MTX3: variants seen among roughly 807,000 people sequenced by gnomAD.
MTX3 encodes the protein metaxin-3.
In MTX3, 27 loss-of-function variants were observed where a neutral mutation model predicts 42.5. The ratio of observed to expected loss-of-function variants is 0.64; its 90% CI spans 0.47 to 0.88. MTX3 has a LOEUF of 0.88. MTX3 is among the 40% of genes least tolerant of loss of function. The pLI, the probability that MTX3 is intolerant of heterozygous loss-of-function variation, is 0.00. For synonymous variants in MTX3, 144 were observed against 132.9 expected (o/e 1.08, Z -0.57); for missense variants, 378 against 367.0 (o/e 1.03, Z -0.25).
chr5:79,988,518 T>C lies in MTX3; in HGVS notation c.448A>G (p.Ile150Val). 6.2e-7 allele frequency: 1 copy of C among 1,613,128 alleles called. No individual in the cohort carries two copies. Among genetic ancestry groups the C allele is most frequent in the Non-Finnish European group, 8.5e-7 (1 of 1,179,684 alleles). ...GRMSKGALNR[I>V]LLTRGQPPLY... Reference sequence around the variant, plus strand: ...GGAGGCTGTCCTCTGGTCAGGAGAATCCTATTCAGTGCTCCCTTAGACATT... The same window carrying C: ...GGAGGCTGTCCTCTGGTCAGGAGAACCCTATTCAGTGCTCCCTTAGACATT... The change falls in exon 5 of 9, where the codon ATT becomes GTT. Residue 150 changes from isoleucine to valine, a missense_variant. By Grantham distance (29) the Ile-to-Val change is conservative. Transcript: ENST00000512528.
intron 6 of MTX3, among the ~76,000 whole-genome samples, chr5:79,987,918 C>T (rs1476805558): frequency 8.5e-5 from 13 of 152,236 alleles, no homozygotes; most frequent in Admixed American, 5.9e-4. Context: ...CAGGTTCAAG[C>T]GATTCTCCTG....
chr5:79,991,074 C>G, intron 1 of MTX3, 84 bp downstream of exon 1: 1 of 1,353,504 alleles, frequency 7.4e-7, no homozygotes, highest in Non-Finnish European at 1.0e-6. Flanking sequence ...GACCCCGCAG[C>G]GCAGCGGGAA....
intron 8 of MTX3, 143 bp downstream of exon 8, chr5:79,985,428 G>A: frequency 1.6e-6 from 1 of 642,336 alleles, no homozygotes; most frequent in Non-Finnish European, 2.7e-6. Flanking sequence ...CAACTTTAGT[G>A]AAAGTATATT....
In MTX3 at chr5:79,986,949, C is replaced by G. The variant is rs1831506060; in HGVS notation, c.739+1G>C. On this transcript the variant is annotated splice_donor_variant, in intron 7 of 8. Transcript: ENST00000512528. LOFTEE classifies it high-confidence loss of function. ...CATTAGCTGAAAAAGAGCCAGCTTA[C>G]CTCCAAGACTAAGCCTAAAATAACT... 1 of 1,612,780 alleles carries G rather than the reference C, an allele frequency of 6.2e-7. No individual in the cohort carries two copies. The highest frequency in any genetic ancestry group is 1.3e-5 in the African/African-American group (1 of 74,828).
chr5:79,985,068 G>A (rs1831459351), intron 8 of MTX3, among the ~76,000 whole-genome samples: 4 of 152,110 alleles, frequency 2.6e-5, no homozygotes, highest in South Asian at 2.1e-4. Flanking sequence ...TGCAAGCTCC[G>A]CCTCCCGGGT....
chr5:79,987,128 T>A, intron 6 of MTX3, 21 bp from the exon 7 acceptor site: 6 of 1,611,622 alleles, frequency 3.7e-6, no homozygotes, highest in Non-Finnish European at 5.1e-6. Context: ...ATTAAGGATT[T>A]TTAAAGCACA....
At chr5:79,984,816 T>G (rs1831451860) in intron 8 of MTX3, among the ~76,000 whole-genome samples, 1 of 151,954 alleles carries the variant, frequency 6.6e-6, no homozygotes, top group Non-Finnish European at 1.5e-5. Context: ...ATAAACTATA[T>G]CTAGAGCAGA....
At chr5:79,988,124 GTTTTTT>G in intron 6 of MTX3, 109 bp downstream of exon 6, 1 of 692,354 alleles carries the variant, frequency 1.4e-6, no homozygotes, top group Middle Eastern at 2.9e-4. Flanking sequence ...CCTAAATCTT[GTTTTTT>G]TTAAGTAAAA....
At position 79,980,079 on chromosome 5, in the gene MTX3, T is replaced by C. The variant is rs1831338303; in HGVS notation, c.*3605A>G. 1 of 152,148 alleles carries C rather than the reference T, an allele frequency of 6.6e-6. No homozygotes were observed. Among genetic ancestry groups the C allele is most frequent in the Admixed American group, 6.5e-5 (1 of 15,274 alleles). The allele number at this position is 152,148 out of a possible 1,614,324, so 9.4% of individuals were successfully genotyped here. A position where few individuals can be genotyped will look rare whatever the true frequency, so the allele number is the denominator to read the frequency against. ...TCCTTTCTTTACATGTAAGCATTTA[T>C]ATCTAGGTTTTAAAAGGGTTGAAGT... On this transcript the variant is annotated 3_prime_UTR_variant, in exon 9 of 9. Transcript: ENST00000512528.
chr5:79,982,435 C>T lies in MTX3; in HGVS notation c.*1249G>A. Reference sequence around the variant, plus strand: ...GCACGACTTGATAAGATTTGCTGAGCACCACAGTAATCTTTTAAGACACTA... The same window carrying T: ...GCACGACTTGATAAGATTTGCTGAGTACCACAGTAATCTTTTAAGACACTA... On this transcript the variant is annotated 3_prime_UTR_variant, in exon 9 of 9. Transcript: ENST00000512528. The T allele has an allele frequency of 2.2e-6, 1 of 456,518 alleles. No homozygotes were observed. The highest frequency in any genetic ancestry group is 1.5e-5 in the South Asian group (1 of 64,532). 28.3% of individuals were successfully genotyped at this position (456,518 alleles called of 1,614,324 possible). A position where few individuals can be genotyped will look rare whatever the true frequency, so the allele number is the denominator to read the frequency against.
Position 79,979,157 on chromosome 5 carries a change from C to T in MTX3, c.*4527G>A, listed in dbSNP as rs1831319429. 1 of 152,418 alleles carries T rather than the reference C, an allele frequency of 6.6e-6. No individual in the cohort carries two copies. The highest frequency in any genetic ancestry group is 2.1e-4 in the South Asian group (1 of 4,812). The allele number at this position is 152,418 out of a possible 1,614,324, so 9.4% of individuals were successfully genotyped here. A position where few individuals can be genotyped will look rare whatever the true frequency, so the allele number is the denominator to read the frequency against. On this transcript the variant is annotated 3_prime_UTR_variant, in exon 9 of 9. Coordinates refer to ENST00000512528, the MANE Select transcript of MTX3 (RefSeq NM_001363818.2). ...CCTGGGCTCCTAGCAAACACTACAC[C>T]CCAACAAGAGTTTGGGAGCCAAATT... is the stretch of plus-strand genomic sequence containing the variant.
chr5:79,987,210 G>A (rs1036885407), intron 6 of MTX3, 103 bp from the exon 7 acceptor site: 16 of 982,596 alleles, frequency 1.6e-5, no homozygotes, highest in Admixed American at 7.0e-5. Context: ...GAGATCAAGC[G>A]GGGGCAGATC....
In MTX3 at chr5:79,983,760, G is replaced by C. The variant is rs775043829; in HGVS notation, c.863C>G (p.Pro288Arg). ...TTTAAGTGTTGGCAGTTTCCGAGGA[G>C]GAAGCTGAGGGCTTTGGCGAAGATT... ...DDNLRQSPQL[P>R]PRKLPTLKLT... Residue 288 changes from proline (P) to arginine (R), a missense_variant, in exon 9 of 9, where the codon CCT (proline) becomes CGT (arginine). Transcript: ENST00000512528. 6.2e-6 allele frequency: 10 copies of C among 1,613,792 alleles called. No homozygotes were observed. Among genetic ancestry groups the C allele is most frequent in the Non-Finnish European group, 7.6e-6 (9 of 1,179,748 alleles).
intron 8 of MTX3, among the ~76,000 whole-genome samples, chr5:79,984,206 C>A (rs1202891522): frequency 6.6e-6 from 1 of 152,134 alleles, no homozygotes; most frequent in Non-Finnish European, 1.5e-5. Context: ...CAGACACAGA[C>A]CTTCTCTGTT....
chr5:79,986,958 C>T lies in MTX3; in HGVS notation c.731G>A (p.Ser244Asn), dbSNP rs775556610. The T allele has an allele frequency of 1.5e-5, 24 of 1,613,542 alleles. 1 individual carries two copies. The South Asian group carries it at 2.2e-4, about 15-fold the overall frequency. The part of the protein sequence containing the change: ...DDILSSYFRL[S>N]LGGISPAGQE... Reference sequence around the variant, plus strand: ...AAAAAGAGCCAGCTTACCTCCAAGACTAAGCCTAAAATAACTGCTCAGGAT... The same window carrying T: ...AAAAAGAGCCAGCTTACCTCCAAGATTAAGCCTAAAATAACTGCTCAGGAT... Residue 244 changes from serine (S) to asparagine (N), a missense_variant, in exon 7 of 9, where the codon AGT (serine) becomes AAT (asparagine). Coordinates refer to ENST00000512528, the MANE Select transcript of MTX3 (RefSeq NM_001363818.2).
rs1580886791 is a variant in MTX3, at chr5:79,986,941, C to A, written c.739+9G>T. ...CAAACAAACATTAGCTGAAAAAGAG[C>A]CAGCTTACCTCCAAGACTAAGCCTA... On this transcript the variant is annotated intron_variant, in intron 7 of 8. Transcript: ENST00000512528. The A allele has an allele frequency of 1.2e-6, 2 of 1,609,094 alleles. No homozygotes were observed. Among genetic ancestry groups the A allele is most frequent in the Non-Finnish European group, 1.7e-6 (2 of 1,177,834 alleles).
At chr5:79,990,740 C>A in intron 1 of MTX3, 77 bp from the exon 2 acceptor site, 1 of 1,052,972 alleles carries the variant, frequency 9.5e-7, no homozygotes, top group Non-Finnish European at 1.5e-6. Context: ...ACTTCACAGC[C>A]CCATCCCCCA....
At chr5:79,989,042 C>T (rs1831564108) in intron 4 of MTX3, 110 bp downstream of exon 4, 1 of 686,324 alleles carries the variant, frequency 1.5e-6, no homozygotes, top group African/African-American at 1.8e-5. Flanking sequence ...TTAAGATTAA[C>T]ATATAAGTAA....
chr5:79,983,388 C>T lies in MTX3; in HGVS notation c.*296G>A, dbSNP rs1288596965. 2 of 343,408 alleles carry T rather than the reference C, an allele frequency of 5.8e-6. No homozygotes were observed. Among genetic ancestry groups the T allele is most frequent in the Non-Finnish European group, 1.1e-5 (2 of 187,006 alleles). The allele number at this position is 343,408 out of a possible 1,614,324, so 21.3% of individuals were successfully genotyped here. On this transcript the variant is annotated 3_prime_UTR_variant, in exon 9 of 9. Coordinates refer to ENST00000512528, the MANE Select transcript of MTX3 (RefSeq NM_001363818.2). Reference sequence around the variant, plus strand: ...TAGCCTTTGGTCAGCAACATGTGAACCAAAGGCAAAAATCTGCCATGATTA... The same window carrying T: ...TAGCCTTTGGTCAGCAACATGTGAATCAAAGGCAAAAATCTGCCATGATTA...
Sources: gnomAD v4.1 joint callset for allele counts (sites outside exome capture counted in the v4.1 genomes callset) on GRCh38, gnomAD v4.1.1 for gene constraint, MANE v1.5 for transcripts, NCBI Gene and HGNC (gene_info 2026-07-23, HGNC 2026-07-21) for gene names.